Variants in DACH1 observed in about 807,000 individuals in gnomAD.
DACH1 encodes dachshund homolog 1.
A neutral mutation model predicts 54.2 loss-of-function variants in DACH1; 12 were observed. That is an observed-to-expected ratio of 0.22 (90% CI 0.14 to 0.36). DACH1 has a LOEUF of 0.36. Ranked by LOEUF, DACH1 falls within the 10% of genes least tolerant of loss-of-function variation. The pLI is 1.00. For synonymous variants in DACH1, 386 were observed against 366.2 expected, an observed-to-expected ratio of 1.05 and a Z score of -0.62; for missense variants, 805 against 929.8, an observed-to-expected ratio of 0.87 and a Z score of 1.75.
At chr13:71,555,928 A>G (rs1884221275) in intron 6 of DACH1, among the ~76,000 whole-genome samples, 2 of 152,204 alleles carry the variant, frequency 1.3e-5, no homozygotes, top group African/African-American at 2.4e-5. Flanking sequence ...TTAACATGTT[A>G]GTACCTAGAT....
chr13:71,536,744 C>G (rs535969630), intron 6 of DACH1, among the ~76,000 whole-genome samples: 1 of 152,168 alleles, frequency 6.6e-6, no homozygotes, highest in African/African-American at 2.4e-5. Context: ...ACAAAGCATG[C>G]AAACCTCAAT....
chr13:71,847,238 T>A (rs750623623), intron 1 of DACH1, among the ~76,000 whole-genome samples: 1 of 152,216 alleles, frequency 6.6e-6, no homozygotes, highest in Non-Finnish European at 1.5e-5. Flanking sequence ...TTTTTATTTC[T>A]ATATAAAAAT....
intron 2 of DACH1, among the ~76,000 whole-genome samples, chr13:71,644,539 G>C (rs1033989904): frequency 1.3e-5 from 2 of 152,184 alleles, no homozygotes; most frequent in African/African-American, 4.8e-5. Flanking sequence ...TGTGAGACAA[G>C]GAAGAAGCAA....
chr13:71,822,171 C>A (rs1397618152), intron 1 of DACH1, among the ~76,000 whole-genome samples: 2 of 152,086 alleles, frequency 1.3e-5, no homozygotes, highest in East Asian at 3.9e-4. Context: ...TCTAAATGTG[C>A]TTATGAGTCT....
At chr13:71,495,726 C>T (rs991882423) in intron 6 of DACH1, among the ~76,000 whole-genome samples, 3 of 152,038 alleles carry the variant, frequency 2.0e-5, no homozygotes, top group South Asian at 4.1e-4. Context: ...TAAATTAGTA[C>T]AACCTCTATG....
intron 3 of DACH1, among the ~76,000 whole-genome samples, chr13:71,625,527 C>T (rs1451914901): frequency 1.3e-5 from 2 of 151,864 alleles, no homozygotes; most frequent in Non-Finnish European, 2.9e-5. Flanking sequence ...AACTGCCTGG[C>T]TTTTTTTCCC....
At chr13:71,608,182 T>C (rs1875029995) in intron 3 of DACH1, among the ~76,000 whole-genome samples, 1 of 151,882 alleles carries the variant, frequency 6.6e-6, no homozygotes, top group African/African-American at 2.4e-5. Flanking sequence ...ATCAGAAAAA[T>C]ACTTTTTCTG....
intron 1 of DACH1, among the ~76,000 whole-genome samples, chr13:71,748,601 G>T (rs1167031231): frequency 6.6e-6 from 1 of 152,260 alleles, no homozygotes; most frequent in South Asian, 2.1e-4. Flanking sequence ...GTCCCTCTTT[G>T]TCTACTACTA....
intron 6 of DACH1, among the ~76,000 whole-genome samples, chr13:71,495,894 A>G (rs1417370511): frequency 6.6e-6 from 1 of 152,090 alleles, no homozygotes; most frequent in Non-Finnish European, 1.5e-5. Context: ...AGTGGCAAAA[A>G]TATAAAATCA....
intron 3 of DACH1, among the ~76,000 whole-genome samples, chr13:71,604,359 A>C (rs1231455087): frequency 4.6e-5 from 7 of 151,974 alleles, no homozygotes; most frequent in Non-Finnish European, 1.0e-4. Flanking sequence ...AAATAAAAAC[A>C]GACAAGCTAA....
chr13:71,570,844 C>A (rs1593912863), intron 4 of DACH1, among the ~76,000 whole-genome samples: 1 of 152,194 alleles, frequency 6.6e-6, no homozygotes, highest in African/African-American at 2.4e-5. Flanking sequence ...CTTCCTCCTA[C>A]TTATCTAAAC....
chr13:71,502,007 C>T (rs914917390), intron 6 of DACH1, among the ~76,000 whole-genome samples: 1 of 152,066 alleles, frequency 6.6e-6, no homozygotes, highest in Non-Finnish European at 1.5e-5. Context: ...TATTTCACAG[C>T]CCATGTTGTT....
In DACH1 at chr13:71,457,450, CTG is replaced by C. The variant is rs1875671726; in HGVS notation, c.2084-16760_2084-16759del. On this transcript the variant is annotated intron_variant, in intron 10 of 10. Coordinates refer to ENST00000613252, the MANE Select transcript of DACH1 (RefSeq NM_080759.6). The stretch of plus-strand genomic sequence containing the variant: ...CTAATTTCATGTACATAATCTAACA[CTG>C]TAAATTTCTTGGTCCCAGTTTTATT... 2.6e-5 allele frequency among the ~76,000 whole-genome samples: 4 copies of C among 151,958 alleles called. No homozygotes were observed. In the South Asian group the frequency reaches 8.3e-4, roughly 32 times the overall value.
chr13:71,575,255 A>C (rs1052746675), intron 3 of DACH1, among the ~76,000 whole-genome samples: 3 of 152,094 alleles, frequency 2.0e-5, no homozygotes, highest in African/African-American at 7.2e-5. Flanking sequence ...ATAATAAGTA[A>C]TTTTCTCTAT....
intron 1 of DACH1, among the ~76,000 whole-genome samples, chr13:71,830,918 A>C (rs1888560940): frequency 6.6e-6 from 1 of 151,922 alleles, no homozygotes; most frequent in South Asian, 2.1e-4. Context: ...CCCAAGACTG[A>C]TAGGACTTAT....
intron 4 of DACH1, among the ~76,000 whole-genome samples, chr13:71,567,385 A>G (rs181217352): frequency 1.3e-5 from 2 of 152,140 alleles, no homozygotes; most frequent in East Asian, 3.9e-4. Context: ...CAAACCCAAA[A>G]GTCCTGATTA....
At chr13:71,444,914 C>T (rs1481834309) in intron 10 of DACH1, among the ~76,000 whole-genome samples, 1 of 152,060 alleles carries the variant, frequency 6.6e-6, no homozygotes, top group East Asian at 1.9e-4. Flanking sequence ...TTCAAGAAGC[C>T]TAGAATACAA....
intron 1 of DACH1, among the ~76,000 whole-genome samples, chr13:71,834,791 CAT>C (rs1400745018): frequency 6.6e-6 from 1 of 152,006 alleles, no homozygotes; most frequent in African/African-American, 2.4e-5. Context: ...TCAAAGAAAT[CAT>C]GTGCACATTT....
At position 71,788,584 on chromosome 13, in the gene DACH1, AC is replaced by A. The variant is rs1012005420; in HGVS notation, c.848+77337del. On this transcript the variant is annotated intron_variant, in intron 1 of 10. Transcript: ENST00000613252. ...TACTGCACACACACACATCACACAT[AC>A]CCCCCCACACACACACCTTCTTCTA... Among the ~76,000 whole-genome samples, 12 of 151,758 alleles carry A rather than the reference AC, an allele frequency of 7.9e-5. No individual in the cohort carries two copies. The South Asian group carries it at 2.1e-3, about 26-fold the overall frequency.
Sources: allele counts gnomAD v4.1 joint callset (sites outside exome capture counted in the v4.1 genomes callset), GRCh38; gene constraint gnomAD v4.1.1; transcripts MANE v1.5; gene names NCBI Gene and HGNC (gene_info 2026-07-23, HGNC 2026-07-21).